Variants in ANK3 observed in about 807,000 individuals in gnomAD.
ANK3 encodes the protein ankyrin-3.
ANK3 carries 57 observed loss-of-function variants against 370.9 expected under a neutral mutation model. That is an observed-to-expected ratio of 0.15 (90% CI 0.12 to 0.19). ANK3 has a LOEUF of 0.19. ANK3 is among the 10% of genes least tolerant of loss of function. The probability of loss-of-function intolerance (pLI) is 1.00; values close to 1 mark genes in which losing one functional copy is unlikely to be tolerated. For synonymous variants in ANK3, 1,929 were observed against 1,946.3 expected, an observed-to-expected ratio of 0.99 and a Z score of 0.23; for missense variants, 4,439 against 5,302.1, an observed-to-expected ratio of 0.84 and a Z score of 5.06.
chr10:60,442,795 C>T (rs115525108), intron 2 of ANK3, among the ~76,000 whole-genome samples: 1 of 152,180 alleles, frequency 6.6e-6, no homozygotes, highest in Non-Finnish European at 1.5e-5. Flanking sequence ...ATTTGATCCC[C>T]CACAAACTCT....
chr10:60,664,900 C>T (rs1049126538), intron 1 of ANK3, among the ~76,000 whole-genome samples: 3 of 152,158 alleles, frequency 2.0e-5, no homozygotes, highest in Non-Finnish European at 4.4e-5. Context: ...ATTTAAATTG[C>T]TTTTATATCC....
At chr10:60,266,580 T>C (rs925663790) in intron 5 of ANK3, among the ~76,000 whole-genome samples, 9 of 152,108 alleles carry the variant, frequency 5.9e-5, no homozygotes, top group African/African-American at 2.2e-4. Flanking sequence ...AATTTTAAAA[T>C]TCACAGGACC....
rs181147122 is a variant in ANK3 at position 60,576,604 on chromosome 10, A to G, written c.96+38582T>C. Among the ~76,000 whole-genome samples, 655 of 152,308 alleles carry G rather than the reference A, an allele frequency of 4.3e-3. 5 individuals are homozygous for G. The highest frequency in any genetic ancestry group is 5.3e-3 in the Non-Finnish European group (360 of 68,030). Reference sequence around the variant, plus strand: ...TATGAATAGGCTAATTTTATTTTTAAGGTTAGGATGTCATGCACTTACTGT... The same window carrying G: ...TATGAATAGGCTAATTTTATTTTTAGGGTTAGGATGTCATGCACTTACTGT... On this transcript the variant is annotated intron_variant, in intron 2 of 43. Coordinates refer to the ANK3 transcript ENST00000373827.
At chr10:60,684,653 C>G in intron 1 of ANK3, 8 of 1,588,944 alleles carry the variant, frequency 5.0e-6, no homozygotes, top group Non-Finnish European at 2.6e-6. Flanking sequence ...AATACCGTAC[C>G]TACCAAAGCA....
chr10:60,566,246 C>T (rs559627027), intron 2 of ANK3, among the ~76,000 whole-genome samples: 3 of 152,256 alleles, frequency 2.0e-5, no homozygotes, highest in South Asian at 2.1e-4. Flanking sequence ...TCTCCATCTA[C>T]CTGGGCCTCC....
Position 60,205,827 on chromosome 10 carries a change from G to C in ANK3, c.1258C>G (p.Leu420Val). 1 of 1,614,058 alleles carries C rather than the reference G, an allele frequency of 6.2e-7. No individual in the cohort carries two copies. Among genetic ancestry groups the C allele is most frequent in the Non-Finnish European group, 8.5e-7 (1 of 1,179,902 alleles). Reference sequence around the variant, plus strand: ...GCTTGGATGGATGCACCGTGTTTCAGAAGGAGTTCCATTACTTTAATTCGA... The same window carrying C: ...GCTTGGATGGATGCACCGTGTTTCACAAGGAGTTCCATTACTTTAATTCGA... ...KNRIKVMELL[L>V]KHGASIQAVT... The change falls in exon 11 of 44, where the codon CTG becomes GTG. Residue 420 changes from leucine to valine, a missense_variant. By Grantham distance (32) the Leu-to-Val change is conservative. This residue lies in a region of ANK3 where 227 missense variants were observed against 377.6 expected (regional missense o/e 0.60). Transcript: ENST00000280772.
intron 7 of ANK3, among the ~76,000 whole-genome samples, chr10:60,235,952 C>T (rs1254182947): frequency 3.9e-5 from 6 of 152,144 alleles, no homozygotes; most frequent in Non-Finnish European, 1.5e-5. Context: ...TTTACACATG[C>T]AGAAACAGTT....
intron 1 of ANK3, among the ~76,000 whole-genome samples, chr10:60,699,802 C>T (rs1235036956): frequency 1.3e-5 from 2 of 151,990 alleles, no homozygotes; most frequent in Non-Finnish European, 2.9e-5. Context: ...ATTTTAATCT[C>T]ATTGGAAAAA....
At chr10:60,085,969 A>G (rs2086600816) in intron 30 of ANK3, among the ~76,000 whole-genome samples, 1 of 152,240 alleles carries the variant, frequency 6.6e-6, no homozygotes, top group Non-Finnish European at 1.5e-5. Context: ...CTCATTCTGT[A>G]CATGGCATTC....
Position 60,290,030 on chromosome 10 carries a change from G to A in ANK3, c.115-10391C>T, listed in dbSNP as rs181475631. Among the ~76,000 whole-genome samples the A allele has an allele frequency of 8.1e-4, 123 of 152,226 alleles. 1 individual carries two copies. Among genetic ancestry groups the A allele is most frequent in the African/African-American group, 2.7e-3 (111 of 41,556 alleles). ...TGAATCACTGGGACACGGCCATCCC[G>A]ATTGTGACCACTCAGTTGCCAGATA... On this transcript the variant is annotated intron_variant, in intron 1 of 43. Coordinates refer to ENST00000280772, the MANE Select transcript of ANK3 (RefSeq NM_020987.5).
intron 19 of ANK3, 39 bp downstream of exon 19, chr10:60,173,049 T>G (rs765895918): frequency 6.2e-7 from 1 of 1,610,420 alleles, no homozygotes; most frequent in South Asian, 1.1e-5. Context: ...GAAGCAAAAA[T>G]AAATGATTCT....
rs958641561 is a variant in ANK3, at chr10:60,035,837, A to G, written c.*20-6011T>C. Among the ~76,000 whole-genome samples the G allele has an allele frequency of 2.0e-5, 3 of 151,562 alleles. No individual in the cohort carries two copies. The South Asian group carries it at 6.3e-4, about 32-fold the overall frequency. Reference sequence around the variant, plus strand: ...AAACCCCATCGCTACTAAAAATACAAAATTAGCTGGGCTAATTTTATTTCT... The same window carrying G: ...AAACCCCATCGCTACTAAAAATACAGAATTAGCTGGGCTAATTTTATTTCT... On this transcript the variant is annotated intron_variant, in intron 43 of 43. Transcript: ENST00000280772.
intron 23 of ANK3, 81 bp downstream of exon 23, chr10:60,166,510 A>G (rs549232246): frequency 9.1e-7 from 1 of 1,100,808 alleles, no homozygotes; most frequent in Admixed American, 2.0e-5. Flanking sequence ...TAACTCAAGG[A>G]AATATTATAT....
chr10:60,487,043 T>C (rs1036706275), intron 2 of ANK3, among the ~76,000 whole-genome samples: 3 of 152,170 alleles, frequency 2.0e-5, no homozygotes, highest in Non-Finnish European at 4.4e-5. Flanking sequence ...AACACAAATA[T>C]ATTATTTGTT....
At chr10:60,252,759 A>G (rs903269105) in intron 7 of ANK3, among the ~76,000 whole-genome samples, 4 of 152,202 alleles carry the variant, frequency 2.6e-5, no homozygotes, top group Admixed American at 2.6e-4. Context: ...CACAAACAAC[A>G]TAATTCATTC....
At chr10:60,055,628 T>C (rs2079028636) in intron 42 of ANK3, 30 bp downstream of exon 42, 2 of 1,554,830 alleles carry the variant, frequency 1.3e-6, no homozygotes, top group African/African-American at 1.4e-5. Flanking sequence ...TCCATTTCAA[T>C]GACTGCTACC....
intron 43 of ANK3, among the ~76,000 whole-genome samples, chr10:60,032,154 A>G (rs2073740007): frequency 7.2e-6 from 1 of 139,784 alleles, no homozygotes; most frequent in African/African-American, 2.7e-5. Context: ...TTGATATATA[A>G]TTTGTATATC....
chr10:60,479,246 T>A (rs2075149847), intron 2 of ANK3, among the ~76,000 whole-genome samples: 1 of 152,160 alleles, frequency 6.6e-6, no homozygotes, highest in Non-Finnish European at 1.5e-5. Flanking sequence ...TGGTTACATA[T>A]TATAAAACCA....
At position 60,077,319 on chromosome 10, in the gene ANK3, C is replaced by CA. The variant is rs560444721; in HGVS notation, c.4433-872dup. Among the ~76,000 whole-genome samples the CA allele has an allele frequency of 4.8e-4, 73 of 151,954 alleles. 2 individuals carry two copies. In the South Asian group the frequency reaches 0.015, roughly 32 times the overall value. ...AAATGCATGTGTACATATACACACA[C>CA]AAAGAAAAAAACAGAAAATATGGTT... On this transcript the variant is annotated intron_variant, in intron 36 of 43. Coordinates refer to ENST00000280772, the MANE Select transcript of ANK3 (RefSeq NM_020987.5).
Sources: allele counts gnomAD v4.1 joint callset (sites outside exome capture counted in the v4.1 genomes callset), GRCh38; gene constraint gnomAD v4.1.1; regional missense constraint gnomAD v4.1.1; transcripts MANE v1.5; gene names NCBI Gene and HGNC (gene_info 2026-07-23, HGNC 2026-07-21).